Variants in ACSL5 observed in about 807,000 individuals in gnomAD.
ACSL5 encodes the protein long-chain-fatty-acid--CoA ligase 5.
In ACSL5, 50 loss-of-function variants were observed where a neutral mutation model predicts 84.9. The ratio of observed to expected loss-of-function variants is 0.59; its 90% CI spans 0.47 to 0.75. The LOEUF (loss-of-function observed/expected upper bound fraction) is 0.75, where lower values mean the gene tolerates loss of function less well. Among genes scored for constraint, ACSL5 ranks in the 30% least tolerant of loss-of-function variants. ACSL5 has a pLI of 0.00. For missense variants in ACSL5, 775 were observed against 830.4 expected (o/e 0.93, Z 0.82); for synonymous variants, 280 against 300.7 (o/e 0.93, Z 0.71).
Position 112,425,327 on chromosome 10 carries a change from G to T in ACSL5, c.1594-11G>T. 2 of 1,603,158 alleles carry T rather than the reference G, an allele frequency of 1.2e-6. No individual in the cohort carries two copies. Among genetic ancestry groups the T allele is most frequent in the Non-Finnish European group, 1.7e-6 (2 of 1,175,072 alleles). On this transcript the variant is annotated splice_polypyrimidine_tract_variant and intron_variant, in intron 17 of 20. Transcript: ENST00000354655. The stretch of plus-strand genomic sequence containing the variant: ...CTCAAAAATACTGATACTTTTATCT[G>T]TCTCATGTAGAATGGAACTCTGAAG...
intron 7 of ACSL5, chr10:112,410,154 A>T (rs1312574201): frequency 4.5e-6 from 6 of 1,338,254 alleles, no homozygotes; most frequent in Non-Finnish European, 5.8e-6. Flanking sequence ...AGCTCTGAAA[A>T]TGTTAGCTAT....
intron 14 of ACSL5, chr10:112,418,937 T>C (rs1844387992): frequency 6.6e-6 from 1 of 152,266 alleles, no homozygotes; most frequent in African/African-American, 2.4e-5. Context: ...AGCTGTGCCA[T>C]ACAAACTTGT....
In ACSL5 at chr10:112,411,535, T is replaced by C. The variant is rs1844176458; in HGVS notation, c.870+6T>C. ...CCTTTCTCAAATGTGTGGAGGTCAG[T>C]GGTCAGTTGAAAAAGAGGCTCTCAT... On this transcript the variant is annotated splice_donor_region_variant and intron_variant, in intron 10 of 20. Coordinates refer to ENST00000354655, the MANE Select transcript of ACSL5 (RefSeq NM_203379.2). 1.2e-6 allele frequency: 2 copies of C among 1,611,406 alleles called. No individual in the cohort carries two copies. The highest frequency in any genetic ancestry group is 1.7e-6 in the Non-Finnish European group (2 of 1,177,710).
rs1164589674 is a variant in ACSL5 at position 112,426,770 on chromosome 10, G to A, written c.1840-18G>A. The A allele has an allele frequency of 1.2e-6, 2 of 1,611,352 alleles. No individual in the cohort carries two copies. Among genetic ancestry groups the A allele is most frequent in the African/African-American group, 2.7e-5 (2 of 74,988 alleles). On this transcript the variant is annotated intron_variant, in intron 19 of 20. Coordinates refer to ENST00000354655, the MANE Select transcript of ACSL5 (RefSeq NM_203379.2). ...TTTTTGAAACAGCCATGCTTTAAGTGATGTTTTGTATTCTTAGGTTGTAAG... is the reference window on the plus strand; with the variant it reads ...TTTTTGAAACAGCCATGCTTTAAGTAATGTTTTGTATTCTTAGGTTGTAAG...
chr10:112,417,061 C>T lies in ACSL5; in HGVS notation c.1218+39C>T, dbSNP rs751188449. 1.9e-6 allele frequency: 3 copies of T among 1,600,758 alleles called. No individual in the cohort carries two copies. In the Admixed American group the frequency reaches 5.0e-5, roughly 27 times the overall value. On this transcript the variant is annotated intron_variant, in intron 13 of 20. Transcript: ENST00000354655. ...GTCCTGGACTGAAGCAGGCAAATAC[C>T]TGGGCTGCCTTCTGACTCCTTAGAC... is the stretch of plus-strand genomic sequence containing the variant.
chr10:112,426,259 C>A lies in ACSL5; in HGVS notation c.1739C>A (p.Ser580Ter). 6.2e-7 allele frequency: 1 copy of A among 1,613,558 alleles called. No individual in the cohort carries two copies. Among genetic ancestry groups the A allele is most frequent in the South Asian group, 1.1e-5 (1 of 91,042 alleles). The change falls in exon 19 of 21, where the codon TCA (serine) becomes TAA (stop). Residue 580 changes from serine to a stop codon, truncating the protein, a stop_gained and splice_region_variant. Transcript: ENST00000354655. LOFTEE classifies it high-confidence loss of function. ...GCACCTTTTATTTCCTTTCCATAGT[C>A]ATCCTTAGTAGGAGTGGTGGTTCCT... The part of the protein sequence containing the change: ...QIFVHGESLR[S>*]SLVGVVVPDT...
intron 12 of ACSL5, among the ~76,000 whole-genome samples, chr10:112,414,330 T>C (rs1054416270): frequency 6.7e-6 from 1 of 149,736 alleles, no homozygotes; most frequent in African/African-American, 2.4e-5. Context: ...AATTTTCAGA[T>C]TTTTTTTTAA....
At chr10:112,406,967 C>T (rs935730496) in intron 5 of ACSL5, among the ~76,000 whole-genome samples, 2 of 152,176 alleles carry the variant, frequency 1.3e-5, no homozygotes, top group Admixed American at 6.5e-5. Flanking sequence ...TACAGTTCCA[C>T]ATGGCTGGTG....
Position 112,411,493 on chromosome 10 carries a change from T to C in ACSL5, c.834T>C (p.Ile278=). ...GAGCCATGATAACCCATCAAAATAT[T>C]GTTTCAAATGCTGCTGCCTTTCTCA... is the stretch of plus-strand genomic sequence containing the variant. ...PKGAMITHQN[I]VSNAAAFLKC... is the part of the protein sequence containing the mutation. Residue 278 remains isoleucine (I), a synonymous_variant, in exon 10 of 21, where the codon ATT becomes ATC. Transcript: ENST00000354655. 2.5e-6 allele frequency: 4 copies of C among 1,614,062 alleles called. No homozygotes were observed. Among genetic ancestry groups the C allele is most frequent in the Non-Finnish European group, 3.4e-6 (4 of 1,179,910 alleles).
At chr10:112,383,334 G>T (rs1024179784) in intron 1 of ACSL5, among the ~76,000 whole-genome samples, 3 of 152,118 alleles carry the variant, frequency 2.0e-5, no homozygotes, top group African/African-American at 7.2e-5. Context: ...ATAAAATAAG[G>T]CCCTTCCCAT....
intron 5 of ACSL5, 48 bp from the exon 6 acceptor site, chr10:112,408,374 A>G (rs1844098244): frequency 8.6e-7 from 1 of 1,159,788 alleles, no homozygotes; most frequent in South Asian, 1.3e-5. Context: ...CTGAACTGGT[A>G]CTCTTCAGTG....
intron 17 of ACSL5, among the ~76,000 whole-genome samples, chr10:112,423,833 T>G (rs1844572166): frequency 6.6e-6 from 1 of 151,998 alleles, no homozygotes; most frequent in African/African-American, 2.4e-5. Context: ...GAGGCAGAAG[T>G]TGTGGTTTGA....
intron 1 of ACSL5, chr10:112,376,382 AG>A: frequency 6.2e-7 from 1 of 1,614,128 alleles, no homozygotes; most frequent in Non-Finnish European, 8.5e-7. Context: ...CTCGTGTGGC[AG>A]GAAGAACTCA....
chr10:112,420,833 T>A (rs1844440561), intron 14 of ACSL5, among the ~76,000 whole-genome samples: 1 of 151,730 alleles, frequency 6.6e-6, no homozygotes, highest in South Asian at 2.1e-4. Context: ...GCAATTCTCC[T>A]GCCTTAGCCT....
chr10:112,374,441 A>T (rs1849202097), intron 1 of ACSL5, among the ~76,000 whole-genome samples, 172 bp downstream of exon 1: 2 of 152,154 alleles, frequency 1.3e-5, no homozygotes. Context: ...GTGGGAGGCA[A>T]AGAAAAAAAT....
chr10:112,427,920 G>A lies in ACSL5; in HGVS notation c.*562G>A, dbSNP rs550926380. 6.8e-4 allele frequency: 104 copies of A among 152,990 alleles called. No homozygotes were observed. Among genetic ancestry groups the A allele is most frequent in the South Asian group, 1.7e-3 (8 of 4,836 alleles). 9.5% of individuals were successfully genotyped at this position (152,990 alleles called of 1,614,324 possible). ...ACAAATGTCTCCGATGCTCTTCTGC[G>A]TAAATTAAATTGTGTACTGAAGGGA... On this transcript the variant is annotated 3_prime_UTR_variant, in exon 21 of 21. Transcript: ENST00000354655.
In ACSL5 at chr10:112,417,096, C is replaced by CAA. The variant is rs1364126880; in HGVS notation, c.1218+74_1218+75insAA. On this transcript the variant is annotated intron_variant, in intron 13 of 20. Transcript: ENST00000354655. ...TTCTGACTCCTTAGACCTTGCTTTT[C>CAA]CTCTGCTGCTTGAGCGTCACTTTAA... 8 of 1,527,318 alleles carry CAA rather than the reference C, an allele frequency of 5.2e-6. No individual in the cohort carries two copies. The African/African-American group carries it at 1.1e-4, about 21-fold the overall frequency. 94.6% of individuals were successfully genotyped at this position (1,527,318 alleles called of 1,614,324 possible).
Position 112,409,538 on chromosome 10 carries a change from C to G in ACSL5, c.564C>G (p.Pro188=), listed in dbSNP as rs1348188628. The G allele has an allele frequency of 1.9e-6, 3 of 1,613,722 alleles. No individual in the cohort carries two copies. The highest frequency in any genetic ancestry group is 3.3e-5 in the Admixed American group (2 of 60,008). Residue 188 remains proline (P), a synonymous_variant, in exon 7 of 21, where the codon CCC becomes CCG. Transcript: ENST00000354655. ...ADIAMVICDT[P]QKALVLIGNV... ...TCGCCATGGTGATCTGTGACACACC[C>G]CAAAAGGCATTGGTGCTGATAGGGA...
At chr10:112,422,268 C>G in intron 16 of ACSL5, 57 bp from the exon 17 acceptor site, 1 of 1,461,284 alleles carries the variant, frequency 6.8e-7, no homozygotes, top group East Asian at 2.3e-5. Context: ...CATAAACTGC[C>G]CACGCTGGGA....
Sources: gnomAD v4.1 joint callset for allele counts (sites outside exome capture counted in the v4.1 genomes callset) on GRCh38, gnomAD v4.1.1 for gene constraint, MANE v1.5 for transcripts, NCBI Gene and HGNC (gene_info 2026-07-23, HGNC 2026-07-21) for gene names.